The following STAU2 variants were observed in gnomAD, a reference collection of about 807,000 sequenced individuals.
STAU2 encodes double-stranded RNA-binding protein Staufen homolog 2.
A neutral mutation model predicts 65.9 loss-of-function variants in STAU2; 20 were observed. The ratio of observed to expected loss-of-function variants is 0.30; its 90% CI spans 0.21 to 0.44. The LOEUF (loss-of-function observed/expected upper bound fraction) is 0.44, where lower values mean the gene tolerates loss of function less well. Ranked by LOEUF, STAU2 falls within the 20% of genes least tolerant of loss-of-function variation. STAU2 has a pLI of 1.00. For synonymous variants in STAU2, 232 were observed against 233.9 expected, an observed-to-expected ratio of 0.99 and a Z score of 0.07; for missense variants, 558 against 683.9, an observed-to-expected ratio of 0.82 and a Z score of 2.05.
chr8:73,566,518 A>C (rs948617241), intron 12 of STAU2, among the ~76,000 whole-genome samples: 2 of 152,226 alleles, frequency 1.3e-5, no homozygotes, highest in Non-Finnish European at 2.9e-5. Flanking sequence ...TCTTTCAAAA[A>C]AATGCGTACT....
chr8:73,554,689 T>G (rs899079545), intron 12 of STAU2, among the ~76,000 whole-genome samples: 1 of 152,252 alleles, frequency 6.6e-6, no homozygotes, highest in African/African-American at 2.4e-5. Flanking sequence ...AAATTATTGT[T>G]GAATTGCTGT....
chr8:73,470,232 T>C (rs1295634624), intron 13 of STAU2, among the ~76,000 whole-genome samples: 2 of 152,216 alleles, frequency 1.3e-5, no homozygotes, highest in Non-Finnish European at 2.9e-5. Context: ...TCATGTCTCC[T>C]TGGGAAGGCT....
intron 12 of STAU2, among the ~76,000 whole-genome samples, chr8:73,558,677 A>G (rs553987692): frequency 6.6e-6 from 1 of 152,380 alleles, no homozygotes; most frequent in East Asian, 1.9e-4. Context: ...CAAGCCAGGC[A>G]GCAAGAAAGA....
chr8:73,528,741 G>A (rs1247214924), intron 13 of STAU2, among the ~76,000 whole-genome samples: 4 of 152,226 alleles, frequency 2.6e-5, no homozygotes, highest in Non-Finnish European at 1.5e-5. Context: ...AATTTGTGAG[G>A]AAGAAAATTA....
intron 13 of STAU2, among the ~76,000 whole-genome samples, chr8:73,508,429 A>G (rs1585897946): frequency 6.6e-6 from 1 of 152,324 alleles, no homozygotes; most frequent in African/African-American, 2.4e-5. Flanking sequence ...ACATTTATAA[A>G]GTTCACCATC....
intron 12 of STAU2, among the ~76,000 whole-genome samples, chr8:73,579,768 C>A (rs1809850567): frequency 6.6e-6 from 1 of 152,138 alleles, no homozygotes; most frequent in African/African-American, 2.4e-5. Context: ...TGCTGCATTT[C>A]AGTACAATGA....
chr8:73,683,297 G>T (rs1818561220), intron 5 of STAU2, among the ~76,000 whole-genome samples: 1 of 152,118 alleles, frequency 6.6e-6, no homozygotes, highest in Admixed American at 6.6e-5. Flanking sequence ...CAGGGATGCA[G>T]GGATAGTTTA....
At chr8:73,687,214 A>G (rs1208310399) in intron 5 of STAU2, among the ~76,000 whole-genome samples, 1 of 140,228 alleles carries the variant, frequency 7.1e-6, no homozygotes, top group East Asian at 2.0e-4. Context: ...TTTTTAATTT[A>G]AATATAAACT....
chr8:73,533,696 G>A (rs1409185230), intron 13 of STAU2, among the ~76,000 whole-genome samples: 1 of 152,178 alleles, frequency 6.6e-6, no homozygotes, highest in Admixed American at 6.5e-5. Flanking sequence ...AGGAGTTTGA[G>A]ACCAGCATGA....
intron 13 of STAU2, among the ~76,000 whole-genome samples, chr8:73,531,074 C>T (rs932711982): frequency 2.0e-5 from 3 of 152,270 alleles, no homozygotes; most frequent in Admixed American, 6.5e-5. Flanking sequence ...ATGAAATAGA[C>T]GTAAAGTGTG....
At chr8:73,585,229 C>T (rs888240989) in intron 11 of STAU2, among the ~76,000 whole-genome samples, 1 of 152,168 alleles carries the variant, frequency 6.6e-6, no homozygotes, top group African/African-American at 2.4e-5. Context: ...GCCTGTAATC[C>T]CAGCACTTTG....
intron 11 of STAU2, among the ~76,000 whole-genome samples, chr8:73,585,354 C>A (rs1810287428): frequency 6.6e-6 from 1 of 152,182 alleles, no homozygotes; most frequent in Admixed American, 6.5e-5. Context: ...GTGGCCCATG[C>A]CGGTAATCCC....
chr8:73,626,274 CA>C (rs1479933117), intron 6 of STAU2, among the ~76,000 whole-genome samples: 1 of 152,206 alleles, frequency 6.6e-6, no homozygotes, highest in African/African-American at 2.4e-5. Context: ...GCAAATAAGA[CA>C]GCAAGTGCAA....
chr8:73,656,633 A>G (rs1218191177), intron 6 of STAU2, among the ~76,000 whole-genome samples: 1 of 152,234 alleles, frequency 6.6e-6, no homozygotes, highest in Middle Eastern at 3.2e-3. Context: ...TTTTGCTGAA[A>G]TAACATTTGT....
At chr8:73,520,577 T>C (rs956091731) in intron 13 of STAU2, among the ~76,000 whole-genome samples, 5 of 152,264 alleles carry the variant, frequency 3.3e-5, no homozygotes, top group African/African-American at 4.8e-5. Flanking sequence ...TGCCAGCAAC[T>C]GGTGTAGAAA....
chr8:73,593,954 T>G (rs148022793), intron 11 of STAU2, among the ~76,000 whole-genome samples: 1 of 152,070 alleles, frequency 6.6e-6, no homozygotes, highest in African/African-American at 2.4e-5. Flanking sequence ...ACAGTGGTTA[T>G]GCAAAAAATG....
chr8:73,468,175 T>G (rs1180268709), intron 13 of STAU2, among the ~76,000 whole-genome samples: 1 of 152,214 alleles, frequency 6.6e-6, no homozygotes, highest in Non-Finnish European at 1.5e-5. Context: ...ATCTGATCTT[T>G]GACAAACCTG....
intron 5 of STAU2, among the ~76,000 whole-genome samples, chr8:73,679,818 G>A (rs1280981344): frequency 6.6e-6 from 1 of 151,202 alleles, no homozygotes; most frequent in Non-Finnish European, 1.5e-5. Flanking sequence ...AGCCCAGGAG[G>A]CGGAGGCTGC....
intron 3 of STAU2, among the ~76,000 whole-genome samples, chr8:73,722,323 T>C (rs1316692212): frequency 2.6e-5 from 4 of 152,250 alleles, no homozygotes; most frequent in Non-Finnish European, 5.9e-5. Context: ...AAAAATCTCA[T>C]GTATTTACCC....
Sources: allele counts gnomAD v4.1 joint callset (sites outside exome capture counted in the v4.1 genomes callset), GRCh38; gene constraint gnomAD v4.1.1; transcripts MANE v1.5; gene names NCBI Gene and HGNC (gene_info 2026-07-23, HGNC 2026-07-21).